Variants in TMEM268 observed in about 807,000 individuals in gnomAD.
TMEM268 encodes transmembrane protein C9orf91.
A neutral mutation model predicts 39.1 loss-of-function variants in TMEM268; 24 were observed. That is an observed-to-expected ratio of 0.61 (90% CI 0.44 to 0.86). The LOEUF (loss-of-function observed/expected upper bound fraction) is 0.86. TMEM268 is among the 40% of genes least tolerant of loss of function. The pLI is 0.00. For synonymous variants in TMEM268, 176 were observed against 173.5 expected, an observed-to-expected ratio of 1.01 and a Z score of -0.12; for missense variants, 409 against 428.6, an observed-to-expected ratio of 0.95 and a Z score of 0.40.
chr9:114,614,918 A>G (rs1433900922), intron 1 of TMEM268, among the ~76,000 whole-genome samples: 3 of 134,372 alleles, frequency 2.2e-5, no homozygotes, highest in South Asian at 2.5e-4. Flanking sequence ...TTTTTTTAAG[A>G]TGGAGTCTCT....
intron 1 of TMEM268, among the ~76,000 whole-genome samples, chr9:114,611,808 C>T (rs1845508448): frequency 6.6e-6 from 1 of 152,094 alleles, no homozygotes; most frequent in South Asian, 2.1e-4. Flanking sequence ...TTGGGGAGGG[C>T]CAGACTGATT....
At position 114,627,010 on chromosome 9, in the gene TMEM268, A is replaced by AG. The variant is rs1846190013; in HGVS notation, c.324+9dup. ...TATGCGGCTGGCCTTTGCTGTGGTA[A>AG]GGGGGAGGTGGCCCGCACACTGACC... On this transcript the variant is annotated splice_donor_region_variant and intron_variant, in intron 4 of 8. Coordinates refer to ENST00000288502, the MANE Select transcript of TMEM268 (RefSeq NM_153045.4). 2 of 1,599,974 alleles carry AG rather than the reference A, an allele frequency of 1.3e-6. No homozygotes were observed. Among genetic ancestry groups the AG allele is most frequent in the Admixed American group, 3.3e-5 (2 of 59,866 alleles).
intron 6 of TMEM268, among the ~76,000 whole-genome samples, chr9:114,634,415 G>A (rs1245601726): frequency 6.6e-6 from 1 of 152,234 alleles, no homozygotes; most frequent in Non-Finnish European, 1.5e-5. Context: ...AGGCCGGAGA[G>A]GCAGGTCAGA....
chr9:114,608,850 G>A (rs937064736), upstream of TMEM268, among the ~76,000 whole-genome samples: 3 of 152,060 alleles, frequency 2.0e-5, no homozygotes, highest in East Asian at 5.8e-4. Flanking sequence ...CCCACTACCT[G>A]GATCCTTGTG....
chr9:114,609,367 C>T (rs566522653), upstream of TMEM268, among the ~76,000 whole-genome samples: 237 of 151,882 alleles, frequency 1.6e-3, 1 homozygote, highest in African/African-American at 5.5e-3. Flanking sequence ...TCTGACTCAG[C>T]ACATCTACTT....
chr9:114,627,434 A>G (rs1419297773), intron 4 of TMEM268, among the ~76,000 whole-genome samples: 1 of 152,206 alleles, frequency 6.6e-6, no homozygotes, highest in African/African-American at 2.4e-5. Context: ...AAATATATGT[A>G]TACATCTTCA....
intron 2 of TMEM268, among the ~76,000 whole-genome samples, chr9:114,620,326 C>G (rs1845899044): frequency 6.6e-6 from 1 of 152,134 alleles, no homozygotes; most frequent in Non-Finnish European, 1.5e-5. Flanking sequence ...CTCACTGCAG[C>G]CTTGACCTCC....
chr9:114,613,679 C>A (rs1301892928), intron 1 of TMEM268, among the ~76,000 whole-genome samples: 1 of 152,230 alleles, frequency 6.6e-6, no homozygotes, highest in Non-Finnish European at 1.5e-5. Context: ...AGAGTAGCAT[C>A]TCAGGGCTGA....
chr9:114,625,431 T>G (rs1264410989), intron 3 of TMEM268, among the ~76,000 whole-genome samples: 2 of 142,374 alleles, frequency 1.4e-5, no homozygotes, highest in Admixed American at 1.6e-4. Context: ...ATTTTAGAAT[T>G]TACTTCTTCT....
chr9:114,608,467 C>A (rs62578852), upstream of TMEM268, among the ~76,000 whole-genome samples: 12,764 of 152,208 alleles, frequency 0.084, 597 homozygotes, highest in South Asian at 0.14. Flanking sequence ...TAAGTTCACG[C>A]TGGAGTGACC....
At chr9:114,632,947 T>C (rs756016) in intron 5 of TMEM268, among the ~76,000 whole-genome samples, 41,652 of 152,094 alleles carry the variant, frequency 0.27, 6,060 homozygotes, top group South Asian at 0.4. Flanking sequence ...CAGGGCTGTC[T>C]GACACTATTG....
At chr9:114,608,144 ACTC>A (rs1428434742), upstream of TMEM268, among the ~76,000 whole-genome samples, 1 of 151,846 alleles carries the variant, frequency 6.6e-6, no homozygotes, top group Non-Finnish European at 1.5e-5. Flanking sequence ...ATGAGCACCC[ACTC>A]CTCCTTGCTA....
At chr9:114,616,662 G>C (rs1845726333) in intron 1 of TMEM268, among the ~76,000 whole-genome samples, 1 of 151,830 alleles carries the variant, frequency 6.6e-6, no homozygotes, top group African/African-American at 2.4e-5. Context: ...CACCGTGCCT[G>C]GCTGATTTTT....
intron 5 of TMEM268, 87 bp from the exon 6 acceptor site, chr9:114,633,681 G>T (rs1314517233): frequency 6.4e-6 from 4 of 620,170 alleles, no homozygotes; most frequent in Non-Finnish European, 5.6e-6. Context: ...GCATCTGGGG[G>T]TGGGATGGTG....
intron 1 of TMEM268, among the ~76,000 whole-genome samples, chr9:114,613,562 T>C (rs1845588335): frequency 6.6e-6 from 1 of 152,176 alleles, no homozygotes. Context: ...CTATTTTTGT[T>C]GGTACAGGAA....
intron 2 of TMEM268, among the ~76,000 whole-genome samples, chr9:114,618,002 G>A (rs1456587644): frequency 2.0e-5 from 3 of 151,804 alleles, no homozygotes; most frequent in African/African-American, 2.4e-5. Context: ...TCGGCTTCCC[G>A]AGTAGCTGGG....
rs146156125 is a variant in TMEM268 at position 114,632,942 on chromosome 9, C to A, written c.475-826C>A. 3.8e-3 allele frequency among the ~76,000 whole-genome samples: 577 copies of A among 152,320 alleles called. 10 individuals are homozygous for A. The highest frequency in any genetic ancestry group is 0.013 in the African/African-American group (549 of 41,572). ...AGCAGAGCTGGGCTTTATCCCAGGG[C>A]TGTCTGACACTATTGAATTTACTGT... On this transcript the variant is annotated intron_variant, in intron 5 of 8. Coordinates refer to ENST00000288502, the MANE Select transcript of TMEM268 (RefSeq NM_153045.4).
chr9:114,625,711 G>A (rs1415637229), intron 3 of TMEM268, among the ~76,000 whole-genome samples: 1 of 151,780 alleles, frequency 6.6e-6, no homozygotes, highest in Non-Finnish European at 1.5e-5. Flanking sequence ...CCAAAGTGCT[G>A]GGATTATAGG....
At position 114,636,992 on chromosome 9, in the gene TMEM268, T is replaced by G; in HGVS notation, c.588T>G (p.Leu196=). ...TVEGCQSVIQ[L]WFVYFDLENC... is the part of the protein sequence containing the mutation. ...GTCACTGCTGCTTCTCCCCACAGCT[T>G]TGGTTTGTCTACTTCGACCTGGAGA... Residue 196 remains leucine (L), a splice_region_variant and synonymous_variant, in exon 7 of 9, where the codon CTT becomes CTG. Transcript: ENST00000288502. The G allele has an allele frequency of 6.2e-7, 1 of 1,611,882 alleles. No individual in the cohort carries two copies. The highest frequency in any genetic ancestry group is 8.5e-7 in the Non-Finnish European group (1 of 1,178,282).
Sources: gnomAD v4.1 joint callset for allele counts (sites outside exome capture counted in the v4.1 genomes callset) on GRCh38, gnomAD v4.1.1 for gene constraint, MANE v1.5 for transcripts, NCBI Gene and HGNC (gene_info 2026-07-23, HGNC 2026-07-21) for gene names.